Variants in SLC12A7 observed in about 807,000 individuals in gnomAD.
SLC12A7 encodes K-Cl cotransporter 4.
Under a neutral mutation model 120.6 loss-of-function variants are expected in SLC12A7, and 100 were observed. That is an observed-to-expected ratio of 0.83 (90% CI 0.71 to 0.98). The LOEUF (loss-of-function observed/expected upper bound fraction) is 0.98. SLC12A7 is among the 50% of genes least tolerant of loss of function. The probability of loss-of-function intolerance (pLI) is 0.00; values close to 1 mark genes in which losing one functional copy is unlikely to be tolerated. For synonymous variants in SLC12A7, 760 were observed against 678.0 expected, an observed-to-expected ratio of 1.12 and a Z score of -1.88; for missense variants, 1,373 against 1,548.1, an observed-to-expected ratio of 0.89 and a Z score of 1.90.
Position 1,088,972 on chromosome 5 carries a change from G to A in SLC12A7, c.489+10C>T. The stretch of plus-strand genomic sequence containing the variant: ...GAAGGCACAGCCACACCTGGCCGGG[G>A]GAGACTCACACATGTGCAGCACATG... On this transcript the variant is annotated intron_variant, in intron 4 of 23. Transcript: ENST00000264930. 6.2e-7 allele frequency: 1 copy of A among 1,612,624 alleles called. No homozygotes were observed. Among genetic ancestry groups the A allele is most frequent in the Non-Finnish European group, 8.5e-7 (1 of 1,179,874 alleles).
rs185421920 is a variant in SLC12A7 at position 1,076,676 on chromosome 5, C to T, written c.1748+18G>A. On this transcript the variant is annotated intron_variant, in intron 13 of 23. Transcript: ENST00000264930. ...GCCCATACACCCATCCCCAGGTCCC[C>T]GTCCTGTGGGGGCTCACATGGAGAG... The T allele has an allele frequency of 6.9e-5, 109 of 1,587,808 alleles. 1 individual carries two copies. Among genetic ancestry groups the T allele is most frequent in the South Asian group, 1.4e-4 (13 of 90,570 alleles).
chr5:1,123,008 C>A, the SLC12A7 span, among the ~76,000 whole-genome samples: 1 of 152,242 alleles, frequency 6.6e-6, no homozygotes, highest in African/African-American at 2.4e-5. Context: ...CTTCTGCCTA[C>A]GCTCCTCTGT....
At chr5:1,073,564 T>A (rs1048451755) in intron 17 of SLC12A7, 69 bp downstream of exon 17, 2 of 1,506,764 alleles carry the variant, frequency 1.3e-6, no homozygotes, top group Non-Finnish European at 1.8e-6. Context: ...GATGAGGACA[T>A]GCCAGGGCAC....
In SLC12A7 at chr5:1,075,424, C is replaced by A. The variant is rs201753439; in HGVS notation, c.1914G>T (p.Ala638=). 1 of 1,612,532 alleles carries A rather than the reference C, an allele frequency of 6.2e-7. No homozygotes were observed. Among genetic ancestry groups the A allele is most frequent in the Non-Finnish European group, 8.5e-7 (1 of 1,179,656 alleles). Residue 638 remains alanine (A), a synonymous_variant, in exon 15 of 24, where the codon GCG becomes GCT. Transcript: ENST00000264930. The stretch of plus-strand genomic sequence containing the variant: ...AGCCAGCGATGAGCATGGCGGACAG[C>A]GCGTAGTACCAGGAGCAGATGAACA... The part of the protein sequence containing the change: ...ALMFICSWYY[A]LSAMLIAGCI...
the SLC12A7 span, among the ~76,000 whole-genome samples, chr5:1,139,514 C>A: frequency 1.3e-5 from 2 of 152,274 alleles, no homozygotes; most frequent in Non-Finnish European, 2.9e-5. Context: ...GGGTGGTGTC[C>A]ACACAGCAGC....
intron 22 of SLC12A7, among the ~76,000 whole-genome samples, 177 bp from the exon 23 acceptor site, chr5:1,053,659 C>T (rs1195916686): frequency 1.3e-5 from 2 of 152,200 alleles, no homozygotes; most frequent in Admixed American, 6.5e-5. Context: ...GAGCGAAAGG[C>T]GCTGACTGCA....
At chr5:1,123,074 G>C in the SLC12A7 span, among the ~76,000 whole-genome samples, 1 of 152,168 alleles carries the variant, frequency 6.6e-6, no homozygotes, top group Admixed American at 6.5e-5. Context: ...CCTCCTAATC[G>C]TTCTGGCTGA....
chr5:1,121,392 G>A, the SLC12A7 span, among the ~76,000 whole-genome samples: 1 of 152,198 alleles, frequency 6.6e-6, no homozygotes, highest in African/African-American at 2.4e-5. Flanking sequence ...TGGACTTGCT[G>A]GGGGGCAGGG....
the SLC12A7 span, among the ~76,000 whole-genome samples, chr5:1,139,067 TGG>T: frequency 0.44 from 66,751 of 150,698 alleles, 16,953 homozygotes; most frequent in African/African-American, 0.71. Flanking sequence ...AAGCTTGGGG[TGG>T]GGGGGGGGCT....
At chr5:1,136,154 C>T in the SLC12A7 span, among the ~76,000 whole-genome samples, 1 of 152,170 alleles carries the variant, frequency 6.6e-6, no homozygotes. Flanking sequence ...GAATCGTGGC[C>T]GTCTCTGCTC....
At chr5:1,052,875 CTG>C (rs1735201251) in intron 23 of SLC12A7, among the ~76,000 whole-genome samples, 1 of 152,238 alleles carries the variant, frequency 6.6e-6, no homozygotes, top group Non-Finnish European at 1.5e-5. Flanking sequence ...AGGCGTCACC[CTG>C]TCTGTGCCAA....
rs1243684248 is a variant in SLC12A7 at position 1,065,029 on chromosome 5, TGAGGGGACAGC to T, written c.2437+243_2437+253del. Among the ~76,000 whole-genome samples, 3 of 47,642 alleles carry T rather than the reference TGAGGGGACAGC, an allele frequency of 6.3e-5. No homozygotes were observed. The East Asian group carries it at 1.9e-3, about 30-fold the overall frequency. The allele number at this position is 47,642 out of a possible 152,430, so 31.3% of individuals were successfully genotyped here. ...AGGAGACTGAGGGGACACGGGACAG[TGAGGGGACAGC>T]GAGGGGAGGCAGAGGGGGACAGTGA... On this transcript the variant is annotated intron_variant, in intron 18 of 23. Transcript: ENST00000264930.
At position 1,112,017 on chromosome 5, in the gene SLC12A7, T is replaced by TCCCGG. The variant is rs748318293; in HGVS notation, c.-31_-27dup. ...GGCCGCCTGCAGCCGACAGTCCCCG[T>TCCCGG]CCCGGCCCGGCCCGCGCTGCGCCGC... On this transcript the variant is annotated 5_prime_UTR_variant, in exon 1 of 24. Transcript: ENST00000264930. 5.7e-4 allele frequency: 708 copies of TCCCGG among 1,252,082 alleles called. 5 individuals carry two copies. Among genetic ancestry groups the TCCCGG allele is most frequent in the Middle Eastern group, 3.1e-4 (1 of 3,176 alleles). The allele number at this position is 1,252,082 out of a possible 1,614,324, so 77.6% of individuals were successfully genotyped here.
the SLC12A7 span, among the ~76,000 whole-genome samples, chr5:1,151,604 A>G: frequency 1.6e-4 from 25 of 152,248 alleles, no homozygotes; most frequent in Non-Finnish European, 2.9e-5. The surrounding 1 kb of genome is among the most constrained non-coding windows in gnomAD (Gnocchi z 6.2). Context: ...CCAGGGGTGA[A>G]AACCACCAGA....
the SLC12A7 span, among the ~76,000 whole-genome samples, chr5:1,137,738 C>T: frequency 1.3e-5 from 2 of 152,260 alleles, no homozygotes; most frequent in Non-Finnish European, 2.9e-5. Flanking sequence ...ATGGCCTCTG[C>T]AGGTCAGGCC....
chr5:1,100,247 C>T (rs565500952), intron 1 of SLC12A7, among the ~76,000 whole-genome samples: 14 of 152,354 alleles, frequency 9.2e-5, no homozygotes, highest in African/African-American at 1.7e-4. Flanking sequence ...TGGTACCCTC[C>T]GCGCCGCCTG....
Position 1,050,484 on chromosome 5 carries a change from A to C in SLC12A7, c.*1876T>G. On this transcript the variant is annotated 3_prime_UTR_variant, in exon 24 of 24. Transcript: ENST00000264930. The stretch of plus-strand genomic sequence containing the variant: ...GTAAATGGCTGTAGTTACTGGTTAC[A>C]CGGAGTTGACAACACAAAGGATGCC... 4.9e-6 allele frequency: 1 copy of C among 202,144 alleles called. No individual in the cohort carries two copies. Among genetic ancestry groups the C allele is most frequent in the Non-Finnish European group, 9.9e-6 (1 of 101,364 alleles). 12.5% of individuals were successfully genotyped at this position (202,144 alleles called of 1,614,324 possible).
chr5:1,096,758 AGGAAGGAAAGG>A (rs1741220448), intron 1 of SLC12A7, among the ~76,000 whole-genome samples: 2 of 9,030 alleles, frequency 2.2e-4, no homozygotes, highest in Non-Finnish European at 4.2e-4. Context: ...GGAAGGAGGG[AGGAAGGAAAGG>A]AGGGAGGGGG....
At chr5:1,099,905 C>T (rs1317545527) in intron 1 of SLC12A7, among the ~76,000 whole-genome samples, 3 of 150,882 alleles carry the variant, frequency 2.0e-5, no homozygotes, top group South Asian at 2.2e-4. Flanking sequence ...AGGGGAATTC[C>T]GGGGTCCCCC....
Sources: gnomAD v4.1 joint callset for allele counts (sites outside exome capture counted in the v4.1 genomes callset) on GRCh38, gnomAD v4.1.1 for gene constraint, Gnocchi (gnomAD v3.1) non-coding constraint, MANE v1.5 for transcripts, NCBI Gene and HGNC (gene_info 2026-07-23, HGNC 2026-07-21) for gene names.